TMEM62: variants seen among roughly 807,000 people sequenced by gnomAD.
The protein encoded by TMEM62 is transmembrane protein 62.
Under a neutral mutation model 70.4 loss-of-function variants are expected in TMEM62, and 41 were observed. That is an observed-to-expected ratio of 0.58 (90% CI 0.45 to 0.76). TMEM62 has a LOEUF of 0.76. Among genes scored for constraint, TMEM62 ranks in the 30% least tolerant of loss-of-function variants. The pLI, the probability that TMEM62 is intolerant of heterozygous loss-of-function variation, is 0.00. For synonymous variants in TMEM62, 268 were observed against 291.0 expected (o/e 0.92, Z 0.80); for missense variants, 688 against 788.5 (o/e 0.87, Z 1.53).
At chr15:43,174,752 T>C (rs573955027) in intron 11 of TMEM62, among the ~76,000 whole-genome samples, 2 of 152,356 alleles carry the variant, frequency 1.3e-5, no homozygotes, top group East Asian at 1.9e-4. Context: ...TTCTTTCCTC[T>C]AAACAAGACT....
intron 3 of TMEM62, among the ~76,000 whole-genome samples, chr15:43,137,013 A>G (rs2035321123): frequency 6.6e-6 from 1 of 152,114 alleles, no homozygotes; most frequent in Non-Finnish European, 1.5e-5. Flanking sequence ...TCATTCTCCC[A>G]AAGTGCTGGG....
intron 10 of TMEM62, among the ~76,000 whole-genome samples, chr15:43,161,771 C>T (rs2038730238): frequency 6.6e-6 from 1 of 152,046 alleles, no homozygotes; most frequent in Non-Finnish European, 1.5e-5. Flanking sequence ...AGTGATTCTC[C>T]TGCCTCAGCC....
At chr15:43,156,004 C>A (rs117821722) in intron 9 of TMEM62, among the ~76,000 whole-genome samples, 1 of 151,808 alleles carries the variant, frequency 6.6e-6, no homozygotes, top group Non-Finnish European at 1.5e-5. Flanking sequence ...ACTCTTAAGG[C>A]GATAAGCTGT....
Position 43,184,584 on chromosome 15 carries a change from T to G in TMEM62, c.1930T>G (p.Ter644GlyextTer18). 6.2e-7 allele frequency: 1 copy of G among 1,608,106 alleles called. No individual in the cohort carries two copies. Among genetic ancestry groups the G allele is most frequent in the Non-Finnish European group, 8.5e-7 (1 of 1,179,644 alleles). ...GCAGTTAAAAAGCCACCTGAGCTCC[T>G]GAAGGCCATGTCTCACCACTGGCAG... Reference protein sequence around the residue: ...MVQLKSHLSS* With the variant: ...MVQLKSHLSSG Residue 644 changes from the stop codon to glycine, a stop_lost, in exon 14 of 14, where the codon TGA becomes GGA. Coordinates refer to ENST00000260403, the MANE Select transcript of TMEM62 (RefSeq NM_024956.4).
chr15:43,164,919 C>G (rs1304381129), intron 10 of TMEM62, among the ~76,000 whole-genome samples: 2 of 152,156 alleles, frequency 1.3e-5, no homozygotes, highest in East Asian at 3.8e-4. Context: ...ACTGAGAAGT[C>G]TGCTGCCAGA....
rs530749277 is a variant in TMEM62, at chr15:43,175,381, G to A, written c.1382-3226G>A. On this transcript the variant is annotated intron_variant, in intron 11 of 13. Transcript: ENST00000260403. The stretch of plus-strand genomic sequence containing the variant: ...TGACTTATTTAACTTACATCAGACT[G>A]TCTTTCATTGAGACTAGTCCTTTAA... Among the ~76,000 whole-genome samples, 7 of 152,324 alleles carry A rather than the reference G, an allele frequency of 4.6e-5. No individual in the cohort carries two copies. The East Asian group carries it at 1.2e-3, about 25-fold the overall frequency.
chr15:43,140,933 T>G (rs573144387), intron 4 of TMEM62, among the ~76,000 whole-genome samples: 1 of 152,322 alleles, frequency 6.6e-6, no homozygotes, highest in African/African-American at 2.4e-5. Context: ...GAAGAAAGCT[T>G]GCAGCAGTTC....
chr15:43,163,025 G>C (rs1007276759), intron 10 of TMEM62, among the ~76,000 whole-genome samples: 1 of 150,676 alleles, frequency 6.6e-6, no homozygotes, highest in African/African-American at 2.4e-5. Context: ...ATTTTGGTAT[G>C]CTTGGCACAT....
chr15:43,180,389 C>T (rs2041217398), intron 12 of TMEM62, among the ~76,000 whole-genome samples: 1 of 152,234 alleles, frequency 6.6e-6, no homozygotes, highest in South Asian at 2.1e-4. Context: ...TCCCAAAGTG[C>T]TGGGATTATA....
At chr15:43,145,077 C>G (rs1255834836) in intron 4 of TMEM62, among the ~76,000 whole-genome samples, 5 of 120,452 alleles carry the variant, frequency 4.2e-5, no homozygotes, top group African/African-American at 1.3e-4. Context: ...GCACTCCAGC[C>G]TGGGCGACAG....
chr15:43,173,636 C>G (rs961551439), intron 11 of TMEM62, among the ~76,000 whole-genome samples: 2 of 152,148 alleles, frequency 1.3e-5, no homozygotes, highest in African/African-American at 2.4e-5. Context: ...CTAAACTTAT[C>G]TAAATCTTAG....
intron 10 of TMEM62, among the ~76,000 whole-genome samples, chr15:43,166,751 A>C (rs1328784470): frequency 6.6e-6 from 1 of 152,056 alleles, no homozygotes; most frequent in Non-Finnish European, 1.5e-5. Context: ...GGGAGTGGTG[A>C]TGCCTTCAAG....
At chr15:43,161,410 T>C (rs2096458309) in intron 10 of TMEM62, among the ~76,000 whole-genome samples, 1 of 152,204 alleles carries the variant, frequency 6.6e-6, no homozygotes. Context: ...AAGGGAATTA[T>C]AGGGACTATG....
At chr15:43,134,604 A>G (rs2034938810) in intron 2 of TMEM62, among the ~76,000 whole-genome samples, 1 of 152,222 alleles carries the variant, frequency 6.6e-6, no homozygotes, top group Non-Finnish European at 1.5e-5. Flanking sequence ...CAGTAGAAGC[A>G]AGGCTCCTGG....
At chr15:43,179,368 G>T (rs1567243733) in intron 12 of TMEM62, among the ~76,000 whole-genome samples, 1 of 152,162 alleles carries the variant, frequency 6.6e-6, no homozygotes, top group Admixed American at 6.5e-5. Context: ...AATAGTTCAG[G>T]CATATCTGCA....
Position 43,149,032 on chromosome 15 carries a change from G to A in TMEM62, c.747G>A (p.Ser249=), listed in dbSNP as rs748933624. ...PSPGIRSIMS[S]AIAYLCGHLH... Reference sequence around the variant, plus strand: ...TCATTTATTTTTCATTGGTTAGTTCGGCTATAGCTTATTTGTGTGGACATC... The same window carrying A: ...TCATTTATTTTTCATTGGTTAGTTCAGCTATAGCTTATTTGTGTGGACATC... Residue 249 remains serine (S), a synonymous_variant, in exon 7 of 14, where the codon TCG becomes TCA. Transcript: ENST00000260403. 3.5e-5 allele frequency: 57 copies of A among 1,613,420 alleles called. No individual in the cohort carries two copies. The highest frequency in any genetic ancestry group is 4.3e-5 in the Non-Finnish European group (51 of 1,179,906).
intron 3 of TMEM62, among the ~76,000 whole-genome samples, chr15:43,136,284 G>A (rs904012913): frequency 2.6e-5 from 4 of 152,154 alleles, no homozygotes; most frequent in Admixed American, 6.5e-5. Context: ...AGAATTTTTG[G>A]TGGTGATGGA....
At chr15:43,143,315 G>A (rs915668814) in intron 4 of TMEM62, among the ~76,000 whole-genome samples, 14 of 152,174 alleles carry the variant, frequency 9.2e-5, no homozygotes, top group Non-Finnish European at 2.1e-4. Flanking sequence ...GCCTGCCTTG[G>A]CCTCCAAAAG....
intron 11 of TMEM62, 106 bp from the exon 12 acceptor site, chr15:43,178,501 T>G (rs1386349960): frequency 1.5e-6 from 1 of 657,534 alleles, no homozygotes; most frequent in East Asian, 2.8e-5. Context: ...TAACAAAGGA[T>G]TTGCTGAATA....
Sources: allele counts gnomAD v4.1 joint callset (sites outside exome capture counted in the v4.1 genomes callset), GRCh38; gene constraint gnomAD v4.1.1; transcripts MANE v1.5; gene names NCBI Gene and HGNC (gene_info 2026-07-23, HGNC 2026-07-21).